Variants in REEP5 observed in about 807,000 individuals in gnomAD.
The protein encoded by REEP5 is receptor expression-enhancing protein 5.
In REEP5, 24 loss-of-function variants were observed where a neutral mutation model predicts 22.4. The ratio of observed to expected loss-of-function variants is 1.07; its 90% confidence interval spans 0.78 to 1.51. The LOEUF is 1.51. REEP5 is among the 40% of genes most tolerant of loss of function. REEP5 has a pLI of 0.00. For synonymous variants in REEP5, 103 were observed against 88.6 expected, an observed-to-expected ratio of 1.16 and a Z score of -0.92; for missense variants, 252 against 233.0, an observed-to-expected ratio of 1.08 and a Z score of -0.53.
chr5:112,890,296 A>G (rs1768396741), intron 3 of REEP5, among the ~76,000 whole-genome samples: 1 of 150,424 alleles, frequency 6.6e-6, no homozygotes, highest in Admixed American at 6.6e-5. Context: ...TCTCAAAAAG[A>G]CAAAAAAAAG....
intron 3 of REEP5, chr5:112,897,864 G>A (rs1768738660): frequency 6.6e-6 from 1 of 152,348 alleles, no homozygotes; most frequent in South Asian, 2.1e-4. Context: ...TTTGAGACCA[G>A]CCTGGCAAAC....
At chr5:112,901,446 C>G (rs879735533) in intron 3 of REEP5, among the ~76,000 whole-genome samples, 1 of 152,040 alleles carries the variant, frequency 6.6e-6, no homozygotes, top group Non-Finnish European at 1.5e-5. Context: ...CGGTGGCTCA[C>G]GCCTGTAATC....
intron 2 of REEP5, among the ~76,000 whole-genome samples, chr5:112,910,461 A>G (rs1769074022): frequency 6.6e-6 from 1 of 152,224 alleles, no homozygotes; most frequent in South Asian, 2.1e-4. Context: ...AATCCATTTA[A>G]AAACAAAAAA....
chr5:112,908,691 C>T (rs944806089), intron 2 of REEP5, among the ~76,000 whole-genome samples: 1 of 151,412 alleles, frequency 6.6e-6, no homozygotes, highest in African/African-American at 2.4e-5. Context: ...GCGCCCACGA[C>T]CACGACAGCG....
intron 3 of REEP5, chr5:112,896,723 C>A (rs1350918427): frequency 6.6e-6 from 1 of 151,360 alleles, no homozygotes; most frequent in African/African-American, 2.4e-5. Flanking sequence ...ATCACAAGGT[C>A]AGGAGTTGAG....
At chr5:112,882,834 T>C (rs1367398717) in intron 4 of REEP5, among the ~76,000 whole-genome samples, 1 of 152,242 alleles carries the variant, frequency 6.6e-6, no homozygotes, top group African/African-American at 2.4e-5. Context: ...CATTGTCTCC[T>C]TCCCCATCCT....
chr5:112,919,479 G>A (rs1769303503), intron 2 of REEP5, among the ~76,000 whole-genome samples: 1 of 152,056 alleles, frequency 6.6e-6, no homozygotes. Context: ...ATTTGGCGGG[G>A]GTGGGGGCGG....
intron 4 of REEP5, among the ~76,000 whole-genome samples, chr5:112,880,175 C>T (rs1223525557): frequency 6.6e-6 from 1 of 152,052 alleles, no homozygotes; most frequent in Admixed American, 6.6e-5. Context: ...CTTTGAGAGG[C>T]TGAGGTAGGA....
chr5:112,886,707 A>C (rs1161770710), intron 4 of REEP5, among the ~76,000 whole-genome samples: 2 of 152,240 alleles, frequency 1.3e-5, no homozygotes, highest in African/African-American at 4.8e-5. Flanking sequence ...TTAAATAAAC[A>C]ATTAGAAGAG....
intron 3 of REEP5, among the ~76,000 whole-genome samples, chr5:112,890,621 A>T (rs1336097223): frequency 6.7e-6 from 1 of 150,210 alleles, no homozygotes; most frequent in Non-Finnish European, 1.5e-5. Context: ...CAAGTGATCC[A>T]CCCATCTCAG....
chr5:112,898,847 A>T (rs1295051261), intron 3 of REEP5, among the ~76,000 whole-genome samples: 1 of 152,236 alleles, frequency 6.6e-6, no homozygotes, highest in African/African-American at 2.4e-5. Context: ...CAATCTTTGA[A>T]ATCAACTCTT....
intron 2 of REEP5, among the ~76,000 whole-genome samples, chr5:112,907,129 T>C (rs13358594): frequency 0.017 from 2,661 of 152,308 alleles, 81 homozygotes; most frequent in African/African-American, 0.061. Flanking sequence ...TGTATCTGTC[T>C]AGCTGGAACT....
Position 112,878,750 on chromosome 5 carries a change from G to T in REEP5, c.*36C>A. 1 of 1,613,794 alleles carries T rather than the reference G, an allele frequency of 6.2e-7. No individual in the cohort carries two copies. The highest frequency in any genetic ancestry group is 8.5e-7 in the Non-Finnish European group (1 of 1,179,874). ...TATAACATCAAGCTCCAGTAGGAAG[G>T]TACAGAGAGGGCAGGAAGTTTCCAT... On this transcript the variant is annotated 3_prime_UTR_variant, in exon 5 of 5. Coordinates refer to ENST00000379638, the MANE Select transcript of REEP5 (RefSeq NM_005669.5).
intron 3 of REEP5, among the ~76,000 whole-genome samples, chr5:112,888,145 AT>A (rs1360822846): frequency 1.1e-4 from 16 of 144,152 alleles, no homozygotes; most frequent in Admixed American, 2.1e-4. Context: ...GTGTAAAAAC[AT>A]CTTAATTTCT....
intron 3 of REEP5, chr5:112,892,776 C>T (rs1348012985): frequency 3.1e-6 from 5 of 1,613,868 alleles, no homozygotes; most frequent in African/African-American, 1.3e-5. Flanking sequence ...ACCACTACTA[C>T]AGCAGGCAGC....
intron 2 of REEP5, among the ~76,000 whole-genome samples, chr5:112,912,992 A>C (rs1769139355): frequency 6.6e-6 from 1 of 152,218 alleles, no homozygotes; most frequent in South Asian, 2.1e-4. Context: ...GAAAACCAAC[A>C]AACAGTACGA....
intron 2 of REEP5, among the ~76,000 whole-genome samples, chr5:112,918,578 G>C (rs1398717455): frequency 3.9e-5 from 6 of 152,220 alleles, no homozygotes; most frequent in African/African-American, 1.4e-4. Flanking sequence ...CAATAGTTTG[G>C]CAAGATCGCG....
chr5:112,897,350 ATCACACACACACACACACACACACAC>A (rs1229791617), intron 3 of REEP5: 2 of 129,446 alleles, frequency 1.5e-5, no homozygotes, highest in African/African-American at 2.6e-5. Context: ...AACACATCCC[ATCACACACACACACACACACACACAC>A]ACACACACAC....
chr5:112,901,086 G>A (rs865890400), intron 3 of REEP5, among the ~76,000 whole-genome samples: 2 of 151,942 alleles, frequency 1.3e-5, no homozygotes, highest in African/African-American at 4.8e-5. Context: ...CCATCTGCCC[G>A]CCTCGGCCTC....
Sources: gnomAD v4.1 joint callset for allele counts (sites outside exome capture counted in the v4.1 genomes callset) on GRCh38, gnomAD v4.1.1 for gene constraint, MANE v1.5 for transcripts, NCBI Gene and HGNC (gene_info 2026-07-23, HGNC 2026-07-21) for gene names.